Variants in HAUS7 observed in about 807,000 individuals in gnomAD.
HAUS7 encodes the protein HAUS augmin-like complex subunit 7.
HAUS7 carries 3 observed loss-of-function variants against 28.4 expected under a neutral mutation model. The ratio of observed to expected loss-of-function variants is 0.11; its 90% CI spans 0.05 to 0.27. The LOEUF is 0.27. Among genes scored for constraint, HAUS7 ranks in the 10% least tolerant of loss-of-function variants. HAUS7 has a pLI of 1.00. For synonymous variants in HAUS7, 165 were observed against 132.1 expected, an observed-to-expected ratio of 1.25 and a Z score of -1.71; for missense variants, 284 against 297.3, an observed-to-expected ratio of 0.96 and a Z score of 0.33.
chrX:153,471,255 C>G (rs1429694263), upstream of HAUS7: 1 of 229,899 alleles, frequency 4.3e-6, no homozygotes, highest in Admixed American at 5.5e-5. Context: ...ATGAGAGCAC[C>G]TTACCCACTG....
chrX:153,454,252 G>C, intron 9 of HAUS7, 142 bp downstream of exon 9: 1 of 435,814 alleles, frequency 2.3e-6, no homozygotes, highest in Non-Finnish European at 4.0e-6. Flanking sequence ...ATTTTTTCAA[G>C]TGAAGGAAAA....
intron 1 of HAUS7, among the ~76,000 whole-genome samples, chrX:153,489,259 G>A (rs936501165): frequency 3.6e-5 from 4 of 112,418 alleles, no homozygotes; most frequent in East Asian, 2.8e-4. Context: ...CTGGCACCAC[G>A]AGGGAATCTC....
In HAUS7 at chrX:153,487,793, C is replaced by T. The variant is rs985951314; in HGVS notation, c.-589+7581G>A. On this transcript the variant is annotated intron_variant, in intron 1 of 5. Transcript: ENST00000370210. ...GTTGACCTCCCCATGTGCCAGGAGTCCCTGGGAAGTGACAACTCAGCCCTG... is the reference window on the plus strand; with the variant it reads ...GTTGACCTCCCCATGTGCCAGGAGTTCCTGGGAAGTGACAACTCAGCCCTG... Among the ~76,000 whole-genome samples, 14 of 112,507 alleles carry T rather than the reference C, an allele frequency of 1.2e-4. No homozygotes were observed. The Admixed American group carries it at 1.3e-3, about 11-fold the overall frequency.
intron 1 of HAUS7, among the ~76,000 whole-genome samples, chrX:153,475,958 C>G (rs1556986196): frequency 8.9e-6 from 1 of 112,413 alleles, no homozygotes; most frequent in East Asian, 2.8e-4. Flanking sequence ...CCCTGGCGGG[C>G]TCAGCTGCCA....
chrX:153,485,504 C>T (rs955904666), intron 1 of HAUS7, among the ~76,000 whole-genome samples: 1 of 112,141 alleles, frequency 8.9e-6, no homozygotes, highest in Admixed American at 9.3e-5. Context: ...GTATCGCTAG[C>T]CCTGCAGGGA....
chrX:153,458,493 C>T lies in HAUS7; in HGVS notation c.355-1265G>A, dbSNP rs140936340. ...TATTGCTAGTTAGTTTATACATTCA[C>T]CAGCTGATGGACATTTGGGCTCTTT... On this transcript the variant is annotated intron_variant, in intron 4 of 9. Coordinates refer to ENST00000370211, the MANE Select transcript of HAUS7 (RefSeq NM_001385482.1). 2.3e-3 allele frequency among the ~76,000 whole-genome samples: 263 copies of T among 112,986 alleles called. 3 individuals carry two copies. Among genetic ancestry groups the T allele is most frequent in the African/African-American group, 8.1e-3 (251 of 31,165 alleles).
intron 9 of HAUS7, among the ~76,000 whole-genome samples, chrX:153,450,793 G>A (rs1249800088): frequency 1.8e-5 from 2 of 112,249 alleles, no homozygotes; most frequent in Non-Finnish European, 3.8e-5. Context: ...GCCTGGCTGC[G>A]GGCATGCAGA....
At chrX:153,477,939 G>A (rs1171852186) in intron 1 of HAUS7, among the ~76,000 whole-genome samples, 1 of 112,224 alleles carries the variant, frequency 8.9e-6, no homozygotes, top group Non-Finnish European at 1.9e-5. Context: ...ACCTTGACCA[G>A]CCCTGCACCC....
chrX:153,471,000 C>G (rs1317859860), upstream of HAUS7: 4 of 331,913 alleles, frequency 1.2e-5, no homozygotes, highest in Admixed American at 1.2e-4. Context: ...GCGCTCCTGC[C>G]TTGGTCGGGT....
Position 153,447,709 on chromosome X carries a change from G to A in HAUS7, c.*169C>T, listed in dbSNP as rs782349321. The A allele has an allele frequency of 6.5e-5, 37 of 569,943 alleles. No individual in the cohort carries two copies. Among genetic ancestry groups the A allele is most frequent in the East Asian group, 4.6e-4 (14 of 30,741 alleles). The allele number at this position is 569,943 out of a possible 1,213,427, so 47.0% of individuals were successfully genotyped here. ...TCTTTGTGTCCAAGTCAAACCGCCC[G>A]TCTGTCTCTCCCTCCCCAAAGGGGC... On this transcript the variant is annotated 3_prime_UTR_variant, in exon 10 of 10. Transcript: ENST00000370211.
intron 1 of HAUS7, chrX:153,481,399 C>T (rs1048596083): frequency 6.0e-5 from 45 of 753,468 alleles, no homozygotes; most frequent in Non-Finnish European, 6.9e-5. Context: ...CCGGCGCCCA[C>T]AGAAGGACCG....
intron 9 of HAUS7, among the ~76,000 whole-genome samples, chrX:153,448,248 C>A (rs901490172): frequency 9.1e-6 from 1 of 109,969 alleles, no homozygotes. Context: ...TTTGTAGGGA[C>A]ATGGATGAAG....
rs142627712 is a variant in HAUS7, at chrX:153,457,759, G to A, written c.355-531C>T. Among the ~76,000 whole-genome samples the A allele has an allele frequency of 3.8e-3, 434 of 113,110 alleles. 4 individuals carry two copies. Among genetic ancestry groups the A allele is most frequent in the African/African-American group, 0.012 (390 of 31,224 alleles). ...GCGGGGCTGAATTAGTCCCCCACTCGCCGGAAAGGTGAGTGAGATACCCAT... is the reference window on the plus strand; with the variant it reads ...GCGGGGCTGAATTAGTCCCCCACTCACCGGAAAGGTGAGTGAGATACCCAT... On this transcript the variant is annotated intron_variant, in intron 4 of 9. Transcript: ENST00000370211.
At chrX:153,492,857 C>T (rs782235752) in intron 1 of HAUS7, among the ~76,000 whole-genome samples, 1 of 111,625 alleles carries the variant, frequency 9.0e-6, no homozygotes, top group South Asian at 3.8e-4. Flanking sequence ...TGCGCCCCCA[C>T]GGTATTCAGA....
chrX:153,474,544 G>A (rs1173595182), upstream of HAUS7, among the ~76,000 whole-genome samples: 2 of 111,744 alleles, frequency 1.8e-5, no homozygotes, highest in Non-Finnish European at 3.8e-5. Context: ...TAGGGGGTGT[G>A]GACAGAGTCT....
chrX:153,475,290 T>C (rs1556986063), upstream of HAUS7, among the ~76,000 whole-genome samples: 1 of 111,672 alleles, frequency 9.0e-6, no homozygotes, highest in Non-Finnish European at 1.9e-5. Context: ...CGTGCCACCC[T>C]CTGCAGTCCC....
At chrX:153,482,127 G>A (rs1197668138) in intron 1 of HAUS7, among the ~76,000 whole-genome samples, 3 of 112,281 alleles carry the variant, frequency 2.7e-5, no homozygotes, top group African/African-American at 9.7e-5. Context: ...AGTAGGGGGA[G>A]CAGCACAGGC....
intron 1 of HAUS7, 104 bp downstream of exon 1, chrX:153,470,346 G>A: frequency 4.8e-6 from 4 of 833,284 alleles, no homozygotes; most frequent in Non-Finnish European, 6.9e-6. Context: ...AACCGGCGAC[G>A]GTGGCCGCGT....
At chrX:153,483,229 C>A in intron 1 of HAUS7, 1 of 648,994 alleles carries the variant, frequency 1.5e-6, no homozygotes, top group Non-Finnish European at 1.8e-6. Context: ...ATGGGCACAG[C>A]CAGAGTTGGA....
Sources: allele counts gnomAD v4.1 joint callset (sites outside exome capture counted in the v4.1 genomes callset), GRCh38; gene constraint gnomAD v4.1.1; transcripts MANE v1.5; gene names NCBI Gene and HGNC (gene_info 2026-07-23, HGNC 2026-07-21).